The following COL4A2 variants were observed in gnomAD, a reference collection of about 807,000 sequenced individuals.
COL4A2 encodes collagen type IV alpha 2 chain.
A neutral mutation model predicts 200.2 loss-of-function variants in COL4A2; 99 were observed. That is an observed-to-expected ratio of 0.49 (90% CI 0.42 to 0.58). The LOEUF is 0.58. Among genes scored for constraint, COL4A2 ranks in the 20% least tolerant of loss-of-function variants. COL4A2 has a pLI of 0.00. For synonymous variants in COL4A2, 897 were observed against 900.6 expected, an observed-to-expected ratio of 1.00 and a Z score of 0.07; for missense variants, 1,950 against 2,314.1, an observed-to-expected ratio of 0.84 and a Z score of 3.23.
chr13:110,478,344 C>A (rs769078681), intron 30 of COL4A2, among the ~76,000 whole-genome samples, 180 bp downstream of exon 30: 1 of 152,204 alleles, frequency 6.6e-6, no homozygotes, highest in East Asian at 1.9e-4. Flanking sequence ...CCTGAGACAT[C>A]GGCTCATCCT....
chr13:110,492,018 C>T (rs1953968857), intron 37 of COL4A2, 52 bp from the exon 38 acceptor site: 3 of 1,491,836 alleles, frequency 2.0e-6, no homozygotes, highest in Non-Finnish European at 2.7e-6. Flanking sequence ...CCTCACCACA[C>T]AGCGCCCAAG....
At chr13:110,385,528 T>TGTGTGGATAG (rs1878672878) in intron 4 of COL4A2, among the ~76,000 whole-genome samples, 1 of 104,714 alleles carries the variant, frequency 9.5e-6, no homozygotes, top group African/African-American at 3.4e-5. Context: ...GTGGTTACAG[T>TGTGTGGATAG]GCGTGGATAG....
intron 4 of COL4A2, among the ~76,000 whole-genome samples, chr13:110,422,396 C>G (rs1880286894): frequency 6.6e-6 from 1 of 152,180 alleles, no homozygotes; most frequent in Admixed American, 6.5e-5. Flanking sequence ...CCAGGGCCAC[C>G]CATCTTCCAT....
intron 12 of COL4A2, among the ~76,000 whole-genome samples, chr13:110,435,469 CA>C (rs1290436165): frequency 1.3e-5 from 2 of 152,142 alleles, no homozygotes; most frequent in Non-Finnish European, 2.9e-5. Context: ...GGGAGGAGAA[CA>C]AACAGTTTGG....
At chr13:110,357,132 C>G (rs900511085) in intron 3 of COL4A2, among the ~76,000 whole-genome samples, 5 of 152,084 alleles carry the variant, frequency 3.3e-5, no homozygotes, top group Non-Finnish European at 5.9e-5. Context: ...CTGGTCTCAA[C>G]TGTGGACTCT....
intron 4 of COL4A2, among the ~76,000 whole-genome samples, chr13:110,388,636 C>CA (rs962584381): frequency 1.1e-4 from 16 of 151,822 alleles, no homozygotes; most frequent in Middle Eastern, 3.2e-3. Context: ...GATGAGTCAG[C>CA]AAAAAAAATT....
At chr13:110,504,322 G>T (rs1169372835) in intron 45 of COL4A2, 58 bp downstream of exon 45, 2 of 1,418,258 alleles carry the variant, frequency 1.4e-6, no homozygotes, top group Non-Finnish European at 2.0e-6. Context: ...CTGACTCACA[G>T]ACTGTGGTCT....
At chr13:110,308,360 C>T (rs927294542) in intron 3 of COL4A2, among the ~76,000 whole-genome samples, 3 of 152,116 alleles carry the variant, frequency 2.0e-5, no homozygotes, top group African/African-American at 7.2e-5. Flanking sequence ...CGGCCTTTCA[C>T]GGGAACTGGG....
At chr13:110,368,114 G>A (rs182583671) in intron 4 of COL4A2, among the ~76,000 whole-genome samples, 121 of 152,250 alleles carry the variant, frequency 7.9e-4, no homozygotes, top group African/African-American at 2.7e-3. Context: ...CTAGAACATC[G>A]ACTAGTCTTC....
intron 3 of COL4A2, among the ~76,000 whole-genome samples, chr13:110,347,191 A>G (rs899684917): frequency 6.6e-6 from 1 of 152,196 alleles, no homozygotes; most frequent in African/African-American, 2.4e-5. Context: ...AGGCCCACCC[A>G]TGCTCTGAGA....
chr13:110,368,906 A>C (rs995793729), intron 4 of COL4A2, among the ~76,000 whole-genome samples: 1 of 151,956 alleles, frequency 6.6e-6, no homozygotes. Context: ...GAAATCCAAG[A>C]AGACTAAAAT....
chr13:110,439,657 T>C, intron 15 of COL4A2, 132 bp from the exon 16 acceptor site: 5 of 1,450,382 alleles, frequency 3.4e-6, no homozygotes, highest in Non-Finnish European at 4.7e-6. Context: ...TTCTTCAAAA[T>C]CTGGACCTGA....
At chr13:110,381,221 A>G (rs28592869) in intron 4 of COL4A2, among the ~76,000 whole-genome samples, 13,901 of 145,870 alleles carry the variant, frequency 0.095, 978 homozygotes, top group East Asian at 0.35. Flanking sequence ...TCTATCTCAC[A>G]CCCATGGACT....
At chr13:110,478,765 C>T (rs1882787760) in intron 30 of COL4A2, among the ~76,000 whole-genome samples, 1 of 152,026 alleles carries the variant, frequency 6.6e-6, no homozygotes, top group Admixed American at 6.6e-5. Context: ...AATGTACTTT[C>T]CCCCCTTTTT....
At chr13:110,398,707 AAAAG>A (rs964118719) in intron 4 of COL4A2, among the ~76,000 whole-genome samples, 15 of 151,994 alleles carry the variant, frequency 9.9e-5, no homozygotes, top group East Asian at 3.9e-4. Context: ...GAAAGAAAGA[AAAAG>A]AAAGAAAGAA....
At chr13:110,409,501 C>T (rs528562991) in intron 4 of COL4A2, among the ~76,000 whole-genome samples, 4 of 152,366 alleles carry the variant, frequency 2.6e-5, no homozygotes, top group South Asian at 2.1e-4. Context: ...GGAAGCGTAT[C>T]GGGAGCAGCA....
At chr13:110,449,220 T>C (rs1881440682) in intron 18 of COL4A2, among the ~76,000 whole-genome samples, 1 of 152,268 alleles carries the variant, frequency 6.6e-6, no homozygotes, top group South Asian at 2.1e-4. Context: ...AAAGCGTTGC[T>C]ATTTACACAG....
At position 110,430,430 on chromosome 13, in the gene COL4A2, T is replaced by C. The variant is rs562071212; in HGVS notation, c.579T>C (p.Gly193=). ...AACCTGGAGAGCCTGGATTGGTCGG[T>C]TTCCAGGTAAGTTTATTTTTATTGG... is the stretch of plus-strand genomic sequence containing the variant. ...RGEPGEPGLV[G]FQGPPGRPGH... The change falls in exon 9 of 48, where the codon GGT becomes GGC. Residue 193 remains glycine (G), a synonymous_variant. Transcript: ENST00000360467. 4.3e-6 allele frequency: 7 copies of C among 1,614,154 alleles called. No individual in the cohort carries two copies. The East Asian group carries it at 6.7e-5, about 15-fold the overall frequency.
At chr13:110,372,225 C>A (rs1366552124) in intron 4 of COL4A2, among the ~76,000 whole-genome samples, 1 of 152,116 alleles carries the variant, frequency 6.6e-6, no homozygotes, top group Non-Finnish European at 1.5e-5. Flanking sequence ...AGAGAGGGGG[C>A]AGAGGACCCT....
Sources: allele counts gnomAD v4.1 joint callset (sites outside exome capture counted in the v4.1 genomes callset), GRCh38; gene constraint gnomAD v4.1.1; transcripts MANE v1.5; gene names NCBI Gene and HGNC (gene_info 2026-07-23, HGNC 2026-07-21).